The following TM9SF1 variants were observed in gnomAD, a reference collection of about 807,000 sequenced individuals.
The protein encoded by TM9SF1 is transmembrane 9 superfamily member 1.
TM9SF1 carries 25 observed loss-of-function variants against 52.4 expected under a neutral mutation model. The ratio of observed to expected loss-of-function variants is 0.48; its 90% CI spans 0.35 to 0.67. The LOEUF is 0.67. TM9SF1 is among the 30% of genes least tolerant of loss of function. The pLI, the probability that TM9SF1 is intolerant of heterozygous loss-of-function variation, is 0.01. For missense variants in TM9SF1, 604 were observed against 780.3 expected, an observed-to-expected ratio of 0.77 and a Z score of 2.69; for synonymous variants, 284 against 299.8, an observed-to-expected ratio of 0.95 and a Z score of 0.55.
In TM9SF1 at chr14:24,192,426, A is replaced by G. The variant is rs2039335535; in HGVS notation, c.968-70T>C. 2.0e-6 allele frequency: 3 copies of G among 1,536,048 alleles called. No homozygotes were observed. The highest frequency in any genetic ancestry group is 2.8e-5 in the African/African-American group (2 of 72,008). ...CTCTTCTAGCAATTTCAGAGGAATC[A>G]GCCCCCCTTCTCCCAGACCCAGGGC... On this transcript the variant is annotated intron_variant, in intron 3 of 5. Transcript: ENST00000261789. This position sits in a 1 kb window ranked among gnomAD's most constrained non-coding sequence, Gnocchi z 4.0.
intron 1 of TM9SF1, 31 bp from the exon 2 acceptor site, chr14:24,195,067 C>T (rs747694889): frequency 6.5e-7 from 1 of 1,545,100 alleles, no homozygotes; most frequent in South Asian, 1.2e-5. Context: ...GTTATAGAAA[C>T]CAGGGAGGTT....
chr14:24,194,601 C>A, intron 2 of TM9SF1, 74 bp downstream of exon 2: 1 of 1,386,306 alleles, frequency 7.2e-7, no homozygotes, highest in Admixed American at 1.9e-5. Context: ...TAAAGGTACC[C>A]TGAACCATAA....
At chr14:24,190,678 AG>A in intron 4 of TM9SF1, 25 bp from the exon 5 acceptor site, 2 of 1,589,152 alleles carry the variant, frequency 1.3e-6, no homozygotes, top group South Asian at 1.1e-5. Context: ...CCCCGGAGGG[AG>A]GGTCAACACT....
intron 4 of TM9SF1, among the ~76,000 whole-genome samples, chr14:24,191,179 C>G (rs1208627438): frequency 1.3e-5 from 2 of 152,150 alleles, no homozygotes; most frequent in Non-Finnish European, 2.9e-5. Context: ...TGCTCTTTAT[C>G]TTACCAACAC....
At chr14:24,190,767 C>T (rs1428028474) in intron 4 of TM9SF1, 114 bp from the exon 5 acceptor site, 28 of 887,698 alleles carry the variant, frequency 3.2e-5, no homozygotes, top group Non-Finnish European at 4.3e-5. Flanking sequence ...GCCACTCTAA[C>T]GGCAGACTCA....
Position 24,189,360 on chromosome 14 carries a change from G to A in TM9SF1, c.*55C>T. The stretch of plus-strand genomic sequence containing the variant: ...AATCAGAAGAGAAGCTGGTAGGAGA[G>A]TTCAACAGGGCATGAAGAAAGGGAG... On this transcript the variant is annotated 3_prime_UTR_variant, in exon 6 of 6. Coordinates refer to ENST00000261789, the MANE Select transcript of TM9SF1 (RefSeq NM_006405.7). 1 of 1,537,096 alleles carries A rather than the reference G, an allele frequency of 6.5e-7. No homozygotes were observed. The highest frequency in any genetic ancestry group is 8.8e-7 in the Non-Finnish European group (1 of 1,139,738).
In TM9SF1 at chr14:24,193,289, A is replaced by G. The variant is rs201036105; in HGVS notation, c.346-20T>C. The G allele has an allele frequency of 2.7e-5, 43 of 1,569,600 alleles. No individual in the cohort carries two copies. In the African/African-American group the frequency reaches 5.8e-4, roughly 21 times the overall value. On this transcript the variant is annotated intron_variant, in intron 2 of 5. Transcript: ENST00000261789. ...CTCCACCTATAAAGAGCAAGTCAGG[A>G]GTTGGTCACACAAGATCTCCCCAGG... is the stretch of plus-strand genomic sequence containing the variant.
Position 24,195,389 on chromosome 14 carries a change from C to A in TM9SF1, c.-61G>T, listed in dbSNP as rs895678975. 1 of 233,026 alleles carries A rather than the reference C, an allele frequency of 4.3e-6. No homozygotes were observed. Among genetic ancestry groups the A allele is most frequent in the Admixed American group, 5.1e-5 (1 of 19,660 alleles). 14.4% of individuals were successfully genotyped at this position (233,026 alleles called of 1,614,324 possible). A position where few individuals can be genotyped will look rare whatever the true frequency, so the allele number is the denominator to read the frequency against. On this transcript the variant is annotated 5_prime_UTR_variant, in exon 1 of 6. Coordinates refer to ENST00000261789, the MANE Select transcript of TM9SF1 (RefSeq NM_006405.7). ...CGAGGCGGCGCCAGCGGCCTTCGCGCCCCCGTAGCTGCCTTTGGGCTCCTG... is the reference window on the plus strand; with the variant it reads ...CGAGGCGGCGCCAGCGGCCTTCGCGACCCCGTAGCTGCCTTTGGGCTCCTG...
Position 24,195,327 on chromosome 14 carries a change from A to G in TM9SF1, c.-18+19T>C. 3.0e-6 allele frequency: 1 copy of G among 336,318 alleles called. No individual in the cohort carries two copies. The highest frequency in any genetic ancestry group is 4.3e-5 in the South Asian group (1 of 23,182). The allele number at this position is 336,318 out of a possible 1,614,324, so 20.8% of individuals were successfully genotyped here. A position where few individuals can be genotyped will look rare whatever the true frequency, so the allele number is the denominator to read the frequency against. On this transcript the variant is annotated intron_variant, in intron 1 of 5. Transcript: ENST00000261789. ...CTCGCACCTCGGGTCCCTTCCCGCC[A>G]CAGCCCCGGGGTCCTCACCGCGCGG... is the stretch of plus-strand genomic sequence containing the variant.
rs113810319 is a variant in TM9SF1, at chr14:24,193,061, T to C, written c.554A>G (p.Lys185Arg). The C allele has an allele frequency of 6.2e-6, 10 of 1,614,094 alleles. No homozygotes were observed. The East Asian group carries it at 8.9e-5, about 14-fold the overall frequency. The part of the protein sequence containing the change: ...IFANVSVRDV[K>R]PHSLDGLRPD... ...TCGTAACCCATCCAAGCTGTGGGGC[T>C]TGACGTCCCGCACTGAAACATTGGC... The change falls in exon 3 of 6, where the codon AAG becomes AGG. Residue 185 changes from lysine to arginine, a missense_variant. Around this residue, in one of 3 missense-constraint regions of TM9SF1, gnomAD observed 450 missense variants for 560.1 expected, o/e 0.80. Transcript: ENST00000261789.
rs576719254 is a variant in TM9SF1, at chr14:24,194,932, C to A, written c.88G>T (p.Val30Leu). 3.1e-6 allele frequency: 5 copies of A among 1,614,236 alleles called. No homozygotes were observed. The South Asian group carries it at 4.4e-5, about 14-fold the overall frequency. The change falls in exon 2 of 6, where the codon GTG (valine) becomes TTG (leucine). Residue 30 changes from valine (V) to leucine (L), a missense_variant. Around this residue, in one of 3 missense-constraint regions of TM9SF1, gnomAD observed 47 missense variants for 39.7 expected, o/e 1.18. Coordinates refer to ENST00000261789, the MANE Select transcript of TM9SF1 (RefSeq NM_006405.7). ...GCCTTGTAGTGTGTCACGCCTTCCA[C>A]CCCTGGCCCATGGCCTGTGCCCAGC... ...LLLGTGHGPG[V>L]EGVTHYKAGD...
chr14:24,195,160 C>T, intron 1 of TM9SF1, 124 bp from the exon 2 acceptor site: 1 of 645,488 alleles, frequency 1.5e-6, no homozygotes, highest in Non-Finnish European at 2.7e-6. Context: ...CCTCACCCTA[C>T]CCCACGTCTC....
Position 24,194,817 on chromosome 14 carries a change from C to A in TM9SF1, c.203G>T (p.Cys68Phe). The A allele has an allele frequency of 1.2e-6, 2 of 1,614,234 alleles. No individual in the cohort carries two copies. The highest frequency in any genetic ancestry group is 1.7e-6 in the Non-Finnish European group (2 of 1,180,032). The change falls in exon 2 of 6, where the codon TGC (cysteine) becomes TTC (phenylalanine). Residue 68 changes from cysteine (C) to phenylalanine (F), a missense_variant. By Grantham distance (205) the Cys-to-Phe change is radical (BLOSUM62 -2). This residue lies in a region of TM9SF1 where 450 missense variants were observed against 560.1 expected (regional missense o/e 0.80). Coordinates refer to ENST00000261789, the MANE Select transcript of TM9SF1 (RefSeq NM_006405.7). The part of the protein sequence containing the change: ...TYHYYQLPVC[C>F]PEKIRHKSLS... ...GCTTTTGTGACGTATCTTCTCAGGG[C>A]AGCAGACTGGAAGCTGATAGTAGTG...
rs766046290 is a variant in TM9SF1 at position 24,194,660 on chromosome 14, T to C, written c.345+15A>G. ...GGAAGGAGGGCTACGTGATAGCCAA[T>C]GTGGAGAGGCTGACCTGTGCAGAAC... On this transcript the variant is annotated intron_variant, in intron 2 of 5. Coordinates refer to ENST00000261789, the MANE Select transcript of TM9SF1 (RefSeq NM_006405.7). 1.2e-6 allele frequency: 2 copies of C among 1,609,418 alleles called. No individual in the cohort carries two copies. The highest frequency in any genetic ancestry group is 1.1e-5 in the South Asian group (1 of 90,906).
At position 24,192,736 on chromosome 14, in the gene TM9SF1, G is replaced by T. The variant is rs749354709; in HGVS notation, c.879C>A (p.Ile293=). 6.2e-7 allele frequency: 1 copy of T among 1,614,014 alleles called. No individual in the cohort carries two copies. The highest frequency in any genetic ancestry group is 8.5e-7 in the Non-Finnish European group (1 of 1,179,940). ...GGGGGAAGCGGAAGACATCTGTATGGATAATTTTCCAGCCATTGTCACCCT... is the reference window on the plus strand; with the variant it reads ...GGGGGAAGCGGAAGACATCTGTATGTATAATTTTCCAGCCATTGTCACCCT... ...FDQGDNGWKI[I]HTDVFRFPPY... is the part of the protein sequence containing the mutation. The change falls in exon 3 of 6, where the codon ATC becomes ATA. Residue 293 remains isoleucine, a synonymous_variant. Coordinates refer to ENST00000261789, the MANE Select transcript of TM9SF1 (RefSeq NM_006405.7). This position sits in a 1 kb window ranked among gnomAD's most constrained non-coding sequence, Gnocchi z 4.0.
In TM9SF1 at chr14:24,194,664, G is replaced by T; in HGVS notation, c.345+11C>A. 2 of 1,610,348 alleles carry T rather than the reference G, an allele frequency of 1.2e-6. No homozygotes were observed. The highest frequency in any genetic ancestry group is 1.7e-6 in the Non-Finnish European group (2 of 1,177,046). On this transcript the variant is annotated intron_variant, in intron 2 of 5. Coordinates refer to ENST00000261789, the MANE Select transcript of TM9SF1 (RefSeq NM_006405.7). ...GGAGGGCTACGTGATAGCCAATGTG[G>T]AGAGGCTGACCTGTGCAGAACTGAG...
At position 24,189,302 on chromosome 14, in the gene TM9SF1, G is replaced by C. The variant is rs573297092; in HGVS notation, c.*113C>G. 1.1e-4 allele frequency: 139 copies of C among 1,233,988 alleles called. 1 individual carries two copies. In the East Asian group the frequency reaches 3.2e-3, roughly 28 times the overall value. 76.4% of individuals were successfully genotyped at this position (1,233,988 alleles called of 1,614,324 possible). ...GGGAAGGAATGCCCAAAGGGCAAAA[G>C]GGAAGGCAACAATGCCATCACACAA... On this transcript the variant is annotated 3_prime_UTR_variant, in exon 6 of 6. Coordinates refer to ENST00000261789, the MANE Select transcript of TM9SF1 (RefSeq NM_006405.7).
chr14:24,193,200 G>A lies in TM9SF1; in HGVS notation c.415C>T (p.Arg139Trp), dbSNP rs774638566. The A allele has an allele frequency of 1.5e-5, 25 of 1,613,928 alleles. No homozygotes were observed. The highest frequency in any genetic ancestry group is 1.6e-4 in the Middle Eastern group (1 of 6,084). ...FEFVVDDLPIRGFVGYMEESG... is the reference protein window; with the variant it reads ...FEFVVDDLPIWGFVGYMEESG... ...TCCTCCATGTAGCCCACAAAGCCCC[G>A]GATTGGCAAGTCATCTACCACAAAT... The change falls in exon 3 of 6, where the codon CGG (arginine) becomes TGG (tryptophan). Residue 139 changes from arginine to tryptophan, a missense_variant. Transcript: ENST00000261789.
At chr14:24,193,417 A>T (rs2039353180) in intron 2 of TM9SF1, 148 bp from the exon 3 acceptor site, 1 of 917,042 alleles carries the variant, frequency 1.1e-6, no homozygotes, top group Non-Finnish European at 1.6e-6. Flanking sequence ...CCCAGGCTGG[A>T]GTGCAGTGGT....
Sources: allele counts gnomAD v4.1 joint callset (sites outside exome capture counted in the v4.1 genomes callset), GRCh38; gene constraint gnomAD v4.1.1; regional missense constraint gnomAD v4.1.1; non-coding constraint Gnocchi (gnomAD v3.1); transcripts MANE v1.5; gene names NCBI Gene and HGNC (gene_info 2026-07-23, HGNC 2026-07-21).